The following ANTXR2 variants were observed in gnomAD, a reference collection of about 807,000 sequenced individuals.
ANTXR2 encodes ANTXR cell adhesion molecule 2.
A neutral mutation model predicts 73.7 loss-of-function variants in ANTXR2; 44 were observed. That is an observed-to-expected ratio of 0.60 (90% CI 0.47 to 0.77). The LOEUF (loss-of-function observed/expected upper bound fraction) is 0.77, where lower values mean the gene tolerates loss of function less well. Ranked by LOEUF, ANTXR2 falls within the 30% of genes least tolerant of loss-of-function variation. The pLI, the probability that ANTXR2 is intolerant of heterozygous loss-of-function variation, is 0.00. For synonymous variants in ANTXR2, 217 were observed against 205.9 expected, an observed-to-expected ratio of 1.05 and a Z score of -0.46; for missense variants, 604 against 592.5, an observed-to-expected ratio of 1.02 and a Z score of -0.20.
intron 11 of ANTXR2, among the ~76,000 whole-genome samples, chr4:80,018,416 T>C (rs990806264): frequency 2.0e-5 from 3 of 152,152 alleles, no homozygotes; most frequent in African/African-American, 7.2e-5. Flanking sequence ...CAAATTAAGA[T>C]AGTATCAAGC....
intron 7 of ANTXR2, among the ~76,000 whole-genome samples, chr4:80,051,073 C>T (rs1243264932): frequency 1.3e-5 from 2 of 151,660 alleles, no homozygotes; most frequent in Non-Finnish European, 3.0e-5. Context: ...CTCTTTGTTT[C>T]TCATTAAATC....
intron 5 of ANTXR2, 65 bp downstream of exon 5, chr4:80,055,295 A>G (rs1733941069): frequency 1.9e-6 from 3 of 1,555,128 alleles, no homozygotes; most frequent in Admixed American, 3.6e-5. Context: ...ATATCAAGCT[A>G]TACATTCCGA....
chr4:79,916,580 A>G (rs1727363434), intron 16 of ANTXR2, among the ~76,000 whole-genome samples: 4 of 152,162 alleles, frequency 2.6e-5, no homozygotes, highest in Admixed American at 2.0e-4. Flanking sequence ...TAAAGCAATA[A>G]AAAAACAGAA....
At chr4:79,984,007 T>TTA in intron 13 of ANTXR2, 37 bp from the exon 14 acceptor site, 1 of 1,386,722 alleles carries the variant, frequency 7.2e-7, no homozygotes, top group Non-Finnish European at 9.9e-7. Context: ...TTTTAATTAA[T>TTA]TTCTTAAAAT....
At chr4:80,000,289 T>G (rs771421654) in intron 12 of ANTXR2, among the ~76,000 whole-genome samples, 3 of 152,080 alleles carry the variant, frequency 2.0e-5, no homozygotes, top group African/African-American at 4.8e-5. Context: ...ATGAAGTCAA[T>G]GAAAATTATA....
chr4:80,036,373 A>G (rs1331859242), intron 7 of ANTXR2, among the ~76,000 whole-genome samples: 1 of 152,168 alleles, frequency 6.6e-6, no homozygotes, highest in East Asian at 1.9e-4. Context: ...GACTTTCCCA[A>G]TCAAGCAAAA....
At chr4:80,059,982 C>G (rs1351556519) in intron 3 of ANTXR2, among the ~76,000 whole-genome samples, 1 of 152,172 alleles carries the variant, frequency 6.6e-6, no homozygotes, top group Non-Finnish European at 1.5e-5. Context: ...GTATCTCCTA[C>G]TTTTTCTTTC....
At chr4:79,946,425 G>C (rs1189136589) in intron 16 of ANTXR2, among the ~76,000 whole-genome samples, 2 of 152,176 alleles carry the variant, frequency 1.3e-5, no homozygotes, top group African/African-American at 4.8e-5. Flanking sequence ...AGAGGTCTCA[G>C]CCAATCCCGG....
intron 16 of ANTXR2, among the ~76,000 whole-genome samples, chr4:79,919,882 T>G (rs1293760115): frequency 8.1e-6 from 1 of 123,660 alleles, no homozygotes; most frequent in Non-Finnish European, 1.7e-5. Context: ...TATATATATA[T>G]ATATATATAT....
chr4:79,988,671 C>G (rs986821645), intron 12 of ANTXR2, among the ~76,000 whole-genome samples: 1 of 151,986 alleles, frequency 6.6e-6, no homozygotes, highest in African/African-American at 2.4e-5. Flanking sequence ...CAACAGAATA[C>G]CCAACAACAA....
At chr4:80,054,529 G>A (rs1733905744) in intron 6 of ANTXR2, among the ~76,000 whole-genome samples, 177 bp from the exon 7 acceptor site, 1 of 151,746 alleles carries the variant, frequency 6.6e-6, no homozygotes, top group South Asian at 2.1e-4. Context: ...TACTCTAAAT[G>A]TATTACCACA....
intron 16 of ANTXR2, among the ~76,000 whole-genome samples, chr4:79,938,169 A>T (rs2109971124): frequency 9.7e-4 from 1 of 1,032 alleles, no homozygotes; most frequent in Non-Finnish European, 2.5e-3. Flanking sequence ...GCCATTGCCC[A>T]GGCTTGCTTA....
intron 7 of ANTXR2, among the ~76,000 whole-genome samples, chr4:80,044,864 G>A (rs1375127760): frequency 2.6e-5 from 4 of 151,666 alleles, no homozygotes; most frequent in African/African-American, 9.7e-5. Context: ...ATGAATAGCA[G>A]CTACTCAATG....
intron 16 of ANTXR2, among the ~76,000 whole-genome samples, chr4:79,964,029 G>A (rs7687679): frequency 0.75 from 114,304 of 152,086 alleles, 43,234 homozygotes; most frequent in East Asian, 0.96. Flanking sequence ...CATCGGCAAA[G>A]ATTTAATTTA....
At position 79,949,288 on chromosome 4, in the gene ANTXR2, G is replaced by A. The variant is rs185275585; in HGVS notation, c.1428+28333C>T. Among the ~76,000 whole-genome samples the A allele has an allele frequency of 2.0e-5, 3 of 152,244 alleles. No homozygotes were observed. In the East Asian group the frequency reaches 5.8e-4, roughly 29 times the overall value. ...GACTAAGAGTTATCTGTTAAATAGAGGGTGACAGGTAGTAATTATTCCAAT... is the reference window on the plus strand; with the variant it reads ...GACTAAGAGTTATCTGTTAAATAGAAGGTGACAGGTAGTAATTATTCCAAT... On this transcript the variant is annotated intron_variant, in intron 16 of 16. Transcript: ENST00000403729.
intron 14 of ANTXR2, among the ~76,000 whole-genome samples, chr4:79,980,235 TCAA>T (rs1015096350): frequency 2.6e-5 from 4 of 152,134 alleles, no homozygotes; most frequent in East Asian, 3.8e-4. Context: ...TTAATCATCA[TCAA>T]CATCATCACC....
chr4:79,965,945 G>T (rs1303122937), intron 16 of ANTXR2, among the ~76,000 whole-genome samples: 1 of 152,082 alleles, frequency 6.6e-6, no homozygotes, highest in African/African-American at 2.4e-5. Context: ...TTCATGAATT[G>T]GTCTCAGTTC....
At chr4:80,011,905 T>C (rs1397284171) in intron 11 of ANTXR2, among the ~76,000 whole-genome samples, 1 of 152,206 alleles carries the variant, frequency 6.6e-6, no homozygotes, top group Non-Finnish European at 1.5e-5. Flanking sequence ...TGCATCTAAT[T>C]TCCTTTTCTT....
At position 80,055,351 on chromosome 4, in the gene ANTXR2, A is replaced by C; in HGVS notation, c.486+9T>G. ...GGGGTGTAGAGAACAGTCTCAGTTC[A>C]ATACTCACCTCTTTCTCTGCATATG... is the stretch of plus-strand genomic sequence containing the variant. On this transcript the variant is annotated intron_variant, in intron 5 of 16. Coordinates refer to ENST00000403729, the MANE Select transcript of ANTXR2 (RefSeq NM_058172.6). 1 of 1,604,840 alleles carries C rather than the reference A, an allele frequency of 6.2e-7. No homozygotes were observed. The highest frequency in any genetic ancestry group is 1.3e-5 in the African/African-American group (1 of 74,704).
Sources: allele counts gnomAD v4.1 joint callset (sites outside exome capture counted in the v4.1 genomes callset), GRCh38; gene constraint gnomAD v4.1.1; transcripts MANE v1.5; gene names NCBI Gene and HGNC (gene_info 2026-07-23, HGNC 2026-07-21).